PLCG2: variants seen among roughly 807,000 people sequenced by gnomAD.
PLCG2 encodes the protein phospholipase C gamma 2, also known as 1-phosphatidylinositol 4,5-bisphosphate phosphodiesterase gamma-2.
In PLCG2, 69 loss-of-function variants were observed where a neutral mutation model predicts 175.6. The ratio of observed to expected loss-of-function variants is 0.39; its 90% confidence interval spans 0.32 to 0.48. The LOEUF (loss-of-function observed/expected upper bound fraction) is 0.48, where lower values mean the gene tolerates loss of function less well. Ranked by LOEUF, PLCG2 falls within the 20% of genes least tolerant of loss-of-function variation. PLCG2 has a pLI of 0.91. For synonymous variants in PLCG2, 827 were observed against 624.0 expected, an observed-to-expected ratio of 1.33 and a Z score of -4.85; for missense variants, 1,798 against 1,650.9, an observed-to-expected ratio of 1.09 and a Z score of -1.54.
chr16:81,862,141 T>C (rs1259533563), intron 5 of PLCG2, among the ~76,000 whole-genome samples: 2 of 152,220 alleles, frequency 1.3e-5, no homozygotes, highest in African/African-American at 4.8e-5. Context: ...CTCCCTTTCC[T>C]GTCACCCACG....
intron 2 of PLCG2, among the ~76,000 whole-genome samples, chr16:81,773,165 G>A (rs963270903): frequency 6.6e-6 from 1 of 152,184 alleles, no homozygotes; most frequent in South Asian, 2.1e-4. Context: ...CATGCTGGGT[G>A]TGGGGGGGCG....
chr16:81,883,867 AG>A (rs1908215897), intron 9 of PLCG2, among the ~76,000 whole-genome samples: 1 of 152,186 alleles, frequency 6.6e-6, no homozygotes, highest in South Asian at 2.1e-4. Flanking sequence ...TATAGACTCA[AG>A]GGGGGGTTGT....
chr16:81,900,000 A>G (rs968940975), intron 13 of PLCG2, among the ~76,000 whole-genome samples: 1 of 152,232 alleles, frequency 6.6e-6, no homozygotes, highest in African/African-American at 2.4e-5. Flanking sequence ...CCATAACCCC[A>G]ATAGATAAGA....
intron 3 of PLCG2, among the ~76,000 whole-genome samples, chr16:81,857,362 C>T (rs556614511): frequency 1.4e-4 from 22 of 152,190 alleles, no homozygotes; most frequent in Admixed American, 1.2e-3. Flanking sequence ...CAGTGTGCTG[C>T]CAGGGTAAGA....
chr16:81,814,632 T>C (rs1320370355), intron 2 of PLCG2, among the ~76,000 whole-genome samples: 1 of 151,694 alleles, frequency 6.6e-6, no homozygotes, highest in East Asian at 1.9e-4. Context: ...GAGGTGGAGG[T>C]TGCAGTGAAC....
chr16:81,957,080 C>T (rs1198181299), intron 32 of PLCG2, among the ~76,000 whole-genome samples: 1 of 152,090 alleles, frequency 6.6e-6, no homozygotes, highest in Admixed American at 6.5e-5. Context: ...GGTTGGATCA[C>T]CTGAGGTCAG....
intron 24 of PLCG2, among the ~76,000 whole-genome samples, chr16:81,930,836 T>A (rs569351820): frequency 6.6e-6 from 1 of 152,206 alleles, no homozygotes; most frequent in Non-Finnish European, 1.5e-5. Context: ...CACAATATGC[T>A]AAGTGAAACA....
At chr16:81,751,982 A>T (rs1567693343) in intron 1 of PLCG2, among the ~76,000 whole-genome samples, 1 of 152,144 alleles carries the variant, frequency 6.6e-6, no homozygotes, top group Non-Finnish European at 1.5e-5. Context: ...AGATTGTGCC[A>T]CTGCACTCCA....
At chr16:81,825,225 T>G (rs188639286) in intron 2 of PLCG2, among the ~76,000 whole-genome samples, 131 of 151,916 alleles carry the variant, frequency 8.6e-4, no homozygotes, top group Non-Finnish European at 1.3e-3. Context: ...TATTTGGGAG[T>G]GTGTTTTTTT....
intron 24 of PLCG2, among the ~76,000 whole-genome samples, chr16:81,931,005 A>G (rs1910477058): frequency 6.6e-6 from 1 of 152,242 alleles, no homozygotes; most frequent in Non-Finnish European, 1.5e-5. Flanking sequence ...GGTCAACCAA[A>G]AAGATATTCA....
intron 1 of PLCG2, among the ~76,000 whole-genome samples, chr16:81,782,503 A>T (rs1249367984): frequency 1.3e-5 from 2 of 152,204 alleles, no homozygotes; most frequent in Non-Finnish European, 2.9e-5. Flanking sequence ...TAGTTGATAA[A>T]GCGTGGAACG....
intron 2 of PLCG2, among the ~76,000 whole-genome samples, chr16:81,822,667 G>C (rs777470417): frequency 1.4e-5 from 2 of 141,396 alleles, no homozygotes; most frequent in Non-Finnish European, 3.0e-5. Flanking sequence ...TGAGGCAGGA[G>C]AATCGCTTGA....
chr16:81,960,806 C>T lies in PLCG2; in HGVS notation c.*2808C>T, dbSNP rs1911753027. 8.7e-6 allele frequency: 2 copies of T among 229,580 alleles called. No homozygotes were observed. Among genetic ancestry groups the T allele is most frequent in the South Asian group, 1.8e-4 (1 of 5,494 alleles). The allele number at this position is 229,580 out of a possible 1,614,324, so 14.2% of individuals were successfully genotyped here. ...GGCCTTTAGATTAAGCTAGCCTTAC[C>T]CCTGGGAGTATACCAGAGCTTTCCA... On this transcript the variant is annotated 3_prime_UTR_variant, in exon 33 of 33. Coordinates refer to ENST00000564138, the MANE Select transcript of PLCG2 (RefSeq NM_002661.5).
chr16:81,882,655 C>T (rs559802057), intron 8 of PLCG2, among the ~76,000 whole-genome samples: 84 of 152,084 alleles, frequency 5.5e-4, no homozygotes, highest in African/African-American at 2.0e-3. Flanking sequence ...TTCTTTCCTC[C>T]CCTCCCTTCT....
Position 81,750,663 on chromosome 16 carries a change from A to ATTTTTTTTTTTTTTTTTTTTTT in PLCG2, c.-144-5206_-144-5185dup, listed in dbSNP as rs543220131. On this transcript the variant is annotated intron_variant, in intron 1 of 5. Transcript: ENST00000565054. Reference sequence around the variant, plus strand: ...TTAAAAAGCAGAATGGGGACTGGAGATTTTTTTTTTTTTTTTTTTTTTGAG... The same window carrying ATTTTTTTTTTTTTTTTTTTTTT: ...TTAAAAAGCAGAATGGGGACTGGAGATTTTTTTTTTTTTTTTTTTTTTTTTTTTTTTTTTTTTTTTTTTTGAG... 1.2e-4 allele frequency among the ~76,000 whole-genome samples: 8 copies of ATTTTTTTTTTTTTTTTTTTTTT among 68,460 alleles called. 1 individual carries two copies. Among genetic ancestry groups the ATTTTTTTTTTTTTTTTTTTTTT allele is most frequent in the Admixed American group, 2.7e-4 (1 of 3,760 alleles). 44.9% of individuals were successfully genotyped at this position (68,460 alleles called of 152,430 possible).
intron 9 of PLCG2, among the ~76,000 whole-genome samples, chr16:81,884,215 G>T (rs569756872): frequency 6.6e-6 from 1 of 152,210 alleles, no homozygotes; most frequent in Non-Finnish European, 1.5e-5. Flanking sequence ...GGCAGGCATT[G>T]TGGTGGGTGC....
intron 5 of PLCG2, among the ~76,000 whole-genome samples, chr16:81,860,492 C>A (rs991893114): frequency 4.6e-5 from 7 of 151,952 alleles, no homozygotes; most frequent in African/African-American, 1.7e-4. Context: ...ATATTTCTAC[C>A]AGTGGGGCAA....
At chr16:81,756,038 C>G (rs1371576618) in intron 2 of PLCG2, 1 of 153,688 alleles carries the variant, frequency 6.5e-6, no homozygotes, top group African/African-American at 2.4e-5. Flanking sequence ...CCGAGCCTGG[C>G]CTGTTTCCAT....
chr16:81,860,768 C>T (rs1168797959), intron 5 of PLCG2, among the ~76,000 whole-genome samples: 3 of 151,996 alleles, frequency 2.0e-5, no homozygotes, highest in Non-Finnish European at 4.4e-5. Context: ...CTCAGGAGTT[C>T]GAGACCAGCC....
Sources: gnomAD v4.1 joint callset for allele counts (sites outside exome capture counted in the v4.1 genomes callset) on GRCh38, gnomAD v4.1.1 for gene constraint, MANE v1.5 for transcripts, NCBI Gene and HGNC (gene_info 2026-07-23, HGNC 2026-07-21) for gene names.